Variants in OR3A2 observed in about 807,000 individuals in gnomAD.
OR3A2 encodes olfactory receptor 3A2.
For synonymous variants in OR3A2, 126 were observed against 159.3 expected (o/e 0.79, Z 1.57); for missense variants, 318 against 392.8 (o/e 0.81, Z 1.61).
intron 2 of OR3A2, among the ~76,000 whole-genome samples, chr17:3,355,428 T>TTCTCTCTC (rs3037631): frequency 7.2e-5 from 10 of 139,660 alleles, no homozygotes; most frequent in African/African-American, 2.3e-4. Flanking sequence ...ATGTTGGCAT[T>TTCTCTCTC]TCTCTCTCTC....
chr17:3,329,978 T>A (rs1469947989), intron 3 of OR3A2, among the ~76,000 whole-genome samples: 2 of 146,714 alleles, frequency 1.4e-5, no homozygotes, highest in African/African-American at 5.3e-5. Context: ...TATCCAGTAG[T>A]CATTCAGGAG....
intron 1 of OR3A2, among the ~76,000 whole-genome samples, chr17:3,281,575 T>G (rs1199880855): frequency 1.3e-5 from 2 of 152,152 alleles, no homozygotes. Context: ...CACTGCTGTC[T>G]TAGCATTTAA....
intron 3 of OR3A2, among the ~76,000 whole-genome samples, chr17:3,301,239 T>TGGTTCTA (rs2048963383): frequency 6.6e-6 from 1 of 152,232 alleles, no homozygotes; most frequent in South Asian, 2.1e-4. Flanking sequence ...ATGGTATTTC[T>TGGTTCTA]GGTTCTAGTT....
At chr17:3,347,394 C>CAA in intron 2 of OR3A2, among the ~76,000 whole-genome samples, 1 of 152,142 alleles carries the variant, frequency 6.6e-6, no homozygotes, top group Non-Finnish European at 1.5e-5. Flanking sequence ...TCCCTCCCCT[C>CAA]TCCCCCGGCC....
At chr17:3,347,223 G>C (rs1258330520) in intron 2 of OR3A2, among the ~76,000 whole-genome samples, 1 of 126,306 alleles carries the variant, frequency 7.9e-6, no homozygotes, top group Admixed American at 8.9e-5. Flanking sequence ...ATGTCTGTTT[G>C]CCATTTGTAT....
chr17:3,296,982 T>G (rs2048923905), intron 3 of OR3A2, among the ~76,000 whole-genome samples: 1 of 152,236 alleles, frequency 6.6e-6, no homozygotes, highest in Non-Finnish European at 1.5e-5. Flanking sequence ...TTTCTTTCAC[T>G]CTCTGCTCCC....
chr17:3,329,443 AGT>A (rs1408716993), intron 3 of OR3A2, among the ~76,000 whole-genome samples: 1 of 147,362 alleles, frequency 6.8e-6, no homozygotes, highest in Non-Finnish European at 1.5e-5. Flanking sequence ...GTCTTGGGAG[AGT>A]GTATGTGTCG....
intron 2 of OR3A2, among the ~76,000 whole-genome samples, chr17:3,361,811 G>A (rs151194): frequency 0.42 from 63,758 of 151,214 alleles, 14,079 homozygotes; most frequent in Admixed American, 0.53. Flanking sequence ...TGCTGGATTC[G>A]GTTTGCCAGT....
intron 3 of OR3A2, among the ~76,000 whole-genome samples, chr17:3,321,314 G>A (rs1202412706): frequency 6.6e-6 from 1 of 152,132 alleles, no homozygotes; most frequent in East Asian, 1.9e-4. Flanking sequence ...ATACAATCAT[G>A]TCATCTGCAA....
At chr17:3,355,811 T>G (rs1226518902) in intron 2 of OR3A2, among the ~76,000 whole-genome samples, 2 of 151,426 alleles carry the variant, frequency 1.3e-5, no homozygotes, top group Non-Finnish European at 2.9e-5. Context: ...TCATTTATAT[T>G]CAAAGTTATT....
chr17:3,285,466 A>AT (rs1286164221), upstream of OR3A2, among the ~76,000 whole-genome samples: 1 of 152,142 alleles, frequency 6.6e-6, no homozygotes, highest in Non-Finnish European at 1.5e-5. Context: ...AGGTTCAACA[A>AT]TTTATCTACA....
At chr17:3,324,270 T>G (rs1381319230) in intron 3 of OR3A2, among the ~76,000 whole-genome samples, 2 of 152,116 alleles carry the variant, frequency 1.3e-5, no homozygotes, top group East Asian at 3.8e-4. Flanking sequence ...TTGATTTTTT[T>G]TCACAGTTTT....
chr17:3,365,371 T>A (rs890874310), intron 2 of OR3A2, among the ~76,000 whole-genome samples: 2 of 152,118 alleles, frequency 1.3e-5, no homozygotes, highest in African/African-American at 2.4e-5. Flanking sequence ...TTTGAGGAAA[T>A]AAAGAAACTG....
intron 3 of OR3A2, among the ~76,000 whole-genome samples, chr17:3,331,281 G>T (rs1207746462): frequency 6.6e-6 from 1 of 152,084 alleles, no homozygotes; most frequent in Non-Finnish European, 1.5e-5. Context: ...GATTGGGGAA[G>T]TTCTCCTGGA....
chr17:3,371,107 G>T (rs978267120), intron 2 of OR3A2, among the ~76,000 whole-genome samples: 2 of 151,782 alleles, frequency 1.3e-5, no homozygotes, highest in African/African-American at 2.4e-5. Flanking sequence ...TTGTCATCAT[G>T]GCCCGTTCTC....
upstream of OR3A2, among the ~76,000 whole-genome samples, chr17:3,287,096 G>T (rs1213582095): frequency 6.6e-6 from 1 of 152,172 alleles, no homozygotes; most frequent in African/African-American, 2.4e-5. Flanking sequence ...AGAAGAATGG[G>T]CCCCAGAGAT....
upstream of OR3A2, among the ~76,000 whole-genome samples, chr17:3,288,477 C>A (rs804241): frequency 6.6e-6 from 1 of 151,822 alleles, no homozygotes; most frequent in Non-Finnish European, 1.5e-5. Flanking sequence ...CAGGGGTAAG[C>A]GATGTTTGCA....
At chr17:3,337,107 T>C (rs1185724969) in intron 2 of OR3A2, among the ~76,000 whole-genome samples, 6 of 152,320 alleles carry the variant, frequency 3.9e-5, no homozygotes, top group Admixed American at 1.3e-4. Flanking sequence ...CACACTTCCT[T>C]ATATGAAATT....
At chr17:3,382,812 C>A (rs59495029) in intron 2 of OR3A2, among the ~76,000 whole-genome samples, 62 of 152,246 alleles carry the variant, frequency 4.1e-4, no homozygotes, top group African/African-American at 1.5e-3. Flanking sequence ...TTCTCCAAAT[C>A]GTCTAGCAGA....
Sources: allele counts gnomAD v4.1 joint callset (sites outside exome capture counted in the v4.1 genomes callset), GRCh38; gene constraint gnomAD v4.1.1; transcripts MANE v1.5; gene names NCBI Gene and HGNC (gene_info 2026-07-23, HGNC 2026-07-21).